The following KCNK13 variants were observed in gnomAD, a reference collection of about 807,000 sequenced individuals.
KCNK13 encodes potassium channel subfamily K member 13.
Under a neutral mutation model 23.4 loss-of-function variants are expected in KCNK13, and 12 were observed. The observed-to-expected ratio is 0.51, with a 90% CI of 0.33 to 0.83. KCNK13 has a LOEUF of 0.83. Among genes scored for constraint, KCNK13 ranks in the 40% least tolerant of loss-of-function variants. The pLI is 0.02. For synonymous variants in KCNK13, 231 were observed against 229.5 expected, an observed-to-expected ratio of 1.01 and a Z score of -0.06; for missense variants, 463 against 556.3, an observed-to-expected ratio of 0.83 and a Z score of 1.69.
chr14:90,090,872 C>T (rs1288530100), intron 1 of KCNK13, among the ~76,000 whole-genome samples: 4 of 152,192 alleles, frequency 2.6e-5, no homozygotes, highest in African/African-American at 4.8e-5. Context: ...TCCTCCTTGC[C>T]CTCTGCCATG....
chr14:90,068,999 T>C (rs933431763), intron 1 of KCNK13, among the ~76,000 whole-genome samples: 1 of 151,620 alleles, frequency 6.6e-6, no homozygotes, highest in African/African-American at 2.4e-5. Context: ...TCGCCTCGTA[T>C]GTGACTAGAT....
At chr14:90,120,384 A>G (rs1889724728) in intron 1 of KCNK13, among the ~76,000 whole-genome samples, 1 of 152,210 alleles carries the variant, frequency 6.6e-6, no homozygotes, top group South Asian at 2.1e-4. Context: ...TTACACTGCT[A>G]TAAAGAACTG....
At position 90,162,008 on chromosome 14, in the gene KCNK13, G is replaced by A. The variant is rs1218141745; in HGVS notation, c.335-22103G>A. On this transcript the variant is annotated intron_variant, in intron 1 of 1. Coordinates refer to ENST00000282146, the MANE Select transcript of KCNK13 (RefSeq NM_022054.4). Reference sequence around the variant, plus strand: ...AGCCTGGGCAATGTAACAAGACCCCGTCTCTACAATACATCAAAAAACTTA... The same window carrying A: ...AGCCTGGGCAATGTAACAAGACCCCATCTCTACAATACATCAAAAAACTTA... 9.2e-5 allele frequency among the ~76,000 whole-genome samples: 14 copies of A among 152,002 alleles called. No individual in the cohort carries two copies. In the South Asian group the frequency reaches 1.2e-3, roughly 14 times the overall value.
In KCNK13 at chr14:90,121,425, G is replaced by A. The variant is rs377324212; in HGVS notation, c.334+58886G>A. On this transcript the variant is annotated intron_variant, in intron 1 of 1. Transcript: ENST00000282146. ...ACCTTCTGGGGAGGGATGTTGTTAC[G>A]CCGTGGCAATGTCATTAGCTAAATG... Among the ~76,000 whole-genome samples, 131 of 152,262 alleles carry A rather than the reference G, an allele frequency of 8.6e-4. 1 individual carries two copies. Among genetic ancestry groups the A allele is most frequent in the African/African-American group, 3.0e-3 (123 of 41,560 alleles).
intron 1 of KCNK13, among the ~76,000 whole-genome samples, chr14:90,178,469 T>C (rs1298446563): frequency 6.6e-6 from 1 of 151,848 alleles, no homozygotes; most frequent in Non-Finnish European, 1.5e-5. Flanking sequence ...TTTGTATTTT[T>C]AGTAGAGGAG....
chr14:90,073,331 C>T (rs549656597), intron 1 of KCNK13, among the ~76,000 whole-genome samples: 3 of 152,198 alleles, frequency 2.0e-5, no homozygotes, highest in African/African-American at 7.2e-5. Context: ...GAGACTTCTG[C>T]CTCCCACCGG....
chr14:90,144,709 T>C (rs927708494), intron 1 of KCNK13, among the ~76,000 whole-genome samples: 18 of 152,030 alleles, frequency 1.2e-4, no homozygotes, highest in African/African-American at 4.1e-4. Flanking sequence ...TCTACCCGCC[T>C]CAGCCTCACA....
intron 1 of KCNK13, among the ~76,000 whole-genome samples, chr14:90,087,154 A>ATATATATATT (rs1282261147): frequency 3.3e-4 from 36 of 107,618 alleles, no homozygotes; most frequent in African/African-American, 1.3e-3. Context: ...ATATATATAT[A>ATATATATATT]TTTTTTTTTT....
intron 1 of KCNK13, among the ~76,000 whole-genome samples, chr14:90,176,600 G>C (rs1890424859): frequency 6.6e-6 from 1 of 152,202 alleles, no homozygotes; most frequent in Non-Finnish European, 1.5e-5. Flanking sequence ...GAAAGTATAT[G>C]CAAGTCAAGC....
intron 1 of KCNK13, among the ~76,000 whole-genome samples, chr14:90,178,231 C>CAAAAACA (rs1890444894): frequency 2.7e-5 from 2 of 75,072 alleles, no homozygotes; most frequent in Admixed American, 2.1e-4. Flanking sequence ...TTCCTAAAAG[C>CAAAAACA]AAAAAAAAAA....
chr14:90,105,489 T>C (rs1889533350), intron 1 of KCNK13, among the ~76,000 whole-genome samples: 1 of 152,062 alleles, frequency 6.6e-6, no homozygotes, highest in Admixed American at 6.6e-5. Flanking sequence ...CAACCCAAGT[T>C]TTTATACAGT....
Position 90,184,619 on chromosome 14 carries a change from C to G in KCNK13, c.843C>G (p.Ile281Met). The change falls in exon 2 of 2, where the codon ATC (isoleucine) becomes ATG (methionine). Residue 281 changes from isoleucine to methionine, a missense_variant. Ile to Met is a conservative substitution (Grantham distance 10). Around this residue, in one of 3 missense-constraint regions of KCNK13, gnomAD observed 166 missense variants for 178.8 expected, o/e 0.93. Transcript: ENST00000282146. This position sits in a 1 kb window ranked among gnomAD's most constrained non-coding sequence, Gnocchi z 5.6. ...ACTCCTTGTTCAATGTCATCTCTAT[C>G]CTCATCAAACAGTCCTTGAACTGGA... ...CIYSLFNVIS[I>M]LIKQSLNWIL... The G allele has an allele frequency of 6.2e-6, 10 of 1,614,234 alleles. No homozygotes were observed. The highest frequency in any genetic ancestry group is 8.5e-6 in the Non-Finnish European group (10 of 1,180,046).
intron 1 of KCNK13, among the ~76,000 whole-genome samples, chr14:90,101,920 G>A (rs540903501): frequency 4.1e-4 from 60 of 148,032 alleles, no homozygotes; most frequent in African/African-American, 1.3e-3. Context: ...TTTTGCTCTC[G>A]TTGCCCAGGT....
chr14:90,161,172 TG>T (rs1890249317), intron 1 of KCNK13, among the ~76,000 whole-genome samples: 1 of 152,130 alleles, frequency 6.6e-6, no homozygotes. Flanking sequence ...GACAACATCA[TG>T]CTAAATGGAA....
chr14:90,115,822 G>A (rs1889670537), intron 1 of KCNK13, among the ~76,000 whole-genome samples: 1 of 152,246 alleles, frequency 6.6e-6, no homozygotes, highest in Non-Finnish European at 1.5e-5. Context: ...CAGAATCTCT[G>A]TGGGTGGTGC....
chr14:90,076,489 A>T (rs1889135617), intron 1 of KCNK13, among the ~76,000 whole-genome samples: 1 of 152,202 alleles, frequency 6.6e-6, no homozygotes, highest in South Asian at 2.1e-4. Context: ...CCAATAACTC[A>T]TTGGCGTGAA....
chr14:90,152,175 C>T (rs187834508), intron 1 of KCNK13, among the ~76,000 whole-genome samples: 2 of 152,176 alleles, frequency 1.3e-5, no homozygotes, highest in Non-Finnish European at 2.9e-5. Flanking sequence ...GAATGAGTCT[C>T]ACGAGATCTG....
chr14:90,163,203 T>A (rs540382429), intron 1 of KCNK13, among the ~76,000 whole-genome samples: 1 of 152,288 alleles, frequency 6.6e-6, no homozygotes, highest in Non-Finnish European at 1.5e-5. Context: ...TGAACACAAA[T>A]GGCTTGTCAA....
intron 1 of KCNK13, among the ~76,000 whole-genome samples, chr14:90,126,104 TTAAATA>T (rs1358558816): frequency 2.0e-5 from 3 of 151,810 alleles, no homozygotes; most frequent in Non-Finnish European, 4.4e-5. Context: ...TGGAAAATAC[TTAAATA>T]TAAAGTAAAT....
Sources: gnomAD v4.1 joint callset for allele counts (sites outside exome capture counted in the v4.1 genomes callset) on GRCh38, gnomAD v4.1.1 for gene constraint, gnomAD v4.1.1 regional missense constraint, Gnocchi (gnomAD v3.1) non-coding constraint, MANE v1.5 for transcripts, NCBI Gene and HGNC (gene_info 2026-07-23, HGNC 2026-07-21) for gene names.